The following LCK variants were observed in gnomAD, a reference collection of about 807,000 sequenced individuals.
LCK encodes LCK proto-oncogene, Src family tyrosine kinase, also known as tyrosine-protein kinase Lck.
A neutral mutation model predicts 64.6 loss-of-function variants in LCK; 14 were observed. The ratio of observed to expected loss-of-function variants is 0.22; its 90% CI spans 0.14 to 0.34. LCK has a LOEUF of 0.34. Among genes scored for constraint, LCK ranks in the 10% least tolerant of loss-of-function variants. LCK has a pLI of 1.00. For synonymous variants in LCK, 277 were observed against 263.6 expected (o/e 1.05, Z -0.49); for missense variants, 434 against 668.1 (o/e 0.65, Z 3.86).
In LCK at chr1:32,276,059, C is replaced by T. The variant is rs781741431; in HGVS notation, c.627C>T (p.Tyr209=). Residue 209 remains tyrosine (Y), a synonymous_variant, in exon 7 of 13, where the codon TAC becomes TAT. Coordinates refer to ENST00000336890, the MANE Select transcript of LCK (RefSeq NM_005356.5). The surrounding 1 kb of genome is among the most constrained non-coding windows in gnomAD (Gnocchi z 4.6). Reference sequence around the variant, plus strand: ...GCCTGCATGAACTGGTCCGCCATTACACCAGTGAGCCCGACGGGACCCCTC... The same window carrying T: ...GCCTGCATGAACTGGTCCGCCATTATACCAGTGAGCCCGACGGGACCCCTC... ...FPGLHELVRH[Y]TNASDGLCTR... is the part of the protein sequence containing the mutation. 1 of 1,614,024 alleles carries T rather than the reference C, an allele frequency of 6.2e-7. No individual in the cohort carries two copies. The highest frequency in any genetic ancestry group is 8.5e-7 in the Non-Finnish European group (1 of 1,179,984).
At chr1:32,281,459 C>CAAAAA (rs1218686624) in intron 12 of LCK, among the ~76,000 whole-genome samples, 1 of 61,004 alleles carries the variant, frequency 1.6e-5, no homozygotes, top group African/African-American at 5.4e-5. Flanking sequence ...GAATTTGTCT[C>CAAAAA]AAAAAAAAAA....
rs757025299 is a variant in LCK at position 32,275,531 on chromosome 1, G to T, written c.378-38G>T. The stretch of plus-strand genomic sequence containing the variant: ...TGAGGGCCACGGAGGAAGATCCGAC[G>T]ACAGCCGACGGCCTTCGTTCGCTTC... On this transcript the variant is annotated intron_variant, in intron 5 of 12. Coordinates refer to ENST00000336890, the MANE Select transcript of LCK (RefSeq NM_005356.5). The surrounding 1 kb of genome is among the most constrained non-coding windows in gnomAD (Gnocchi z 6.9). The T allele has an allele frequency of 5.2e-6, 8 of 1,553,382 alleles. No homozygotes were observed. Among genetic ancestry groups the T allele is most frequent in the Non-Finnish European group, 6.1e-6 (7 of 1,143,836 alleles).
At chr1:32,264,441 G>C (rs1639860453) in intron 1 of LCK, among the ~76,000 whole-genome samples, 1 of 151,936 alleles carries the variant, frequency 6.6e-6, no homozygotes, top group African/African-American at 2.4e-5. Flanking sequence ...AGAAGCGCTT[G>C]AGCCCAGGAG....
At chr1:32,274,677 G>A (rs1640200095) in intron 2 of LCK, 60 bp from the exon 3 acceptor site, 2 of 1,377,966 alleles carry the variant, frequency 1.5e-6, no homozygotes, top group African/African-American at 1.4e-5. Flanking sequence ...GGGGGGAAGG[G>A]GGCCAGGGTC....
intron 1 of LCK, among the ~76,000 whole-genome samples, chr1:32,270,390 C>T (rs1018588427): frequency 2.0e-5 from 3 of 151,688 alleles, no homozygotes; most frequent in African/African-American, 7.3e-5. Context: ...AAGCATGAGC[C>T]ACCGTGCCCA....
intron 1 of LCK, among the ~76,000 whole-genome samples, chr1:32,272,495 A>G: frequency 6.6e-6 from 1 of 151,198 alleles, no homozygotes; most frequent in East Asian, 1.9e-4. Context: ...TGAGGTGGGA[A>G]GATTGCTTGA....
chr1:32,265,325 C>T (rs188718258), intron 1 of LCK, among the ~76,000 whole-genome samples: 3 of 152,332 alleles, frequency 2.0e-5, no homozygotes, highest in South Asian at 2.1e-4. Context: ...AAGGCCTCCC[C>T]GGCACTAGCC....
At chr1:32,266,224 G>A (rs1639903174) in intron 1 of LCK, among the ~76,000 whole-genome samples, 1 of 151,990 alleles carries the variant, frequency 6.6e-6, no homozygotes, top group South Asian at 2.1e-4. Context: ...CGGGCACGGT[G>A]GCTCACGCCT....
At chr1:32,284,936 A>G (rs527571657) in intron 12 of LCK, among the ~76,000 whole-genome samples, 1 of 152,300 alleles carries the variant, frequency 6.6e-6, no homozygotes, top group African/African-American at 2.4e-5. Flanking sequence ...ATGTGCTATG[A>G]TTGTGCCTGT....
chr1:32,258,755 GATCACGTCA>G (rs1371032176), intron 1 of LCK, among the ~76,000 whole-genome samples: 1 of 140,874 alleles, frequency 7.1e-6, no homozygotes, highest in Non-Finnish European at 1.5e-5. Flanking sequence ...AGTGAGCTGA[GATCACGTCA>G]CTGCACTCCA....
At position 32,279,918 on chromosome 1, in the gene LCK, T is replaced by C. The variant is rs758403568; in HGVS notation, c.1119T>C (p.Ser373=). The change falls in exon 11 of 13, where the codon TCT becomes TCC. Residue 373 remains serine, a synonymous_variant. Coordinates refer to ENST00000336890, the MANE Select transcript of LCK (RefSeq NM_005356.5). Reference sequence around the variant, plus strand: ...TTCGGGCTGCCAACATTCTGGTGTCTGACACCCTGAGCTGCAAGATTGCAG... The same window carrying C: ...TTCGGGCTGCCAACATTCTGGTGTCCGACACCCTGAGCTGCAAGATTGCAG... The part of the protein sequence containing the change: ...RDLRAANILV[S]DTLSCKIADF... 3 of 1,614,220 alleles carry C rather than the reference T, an allele frequency of 1.9e-6. No individual in the cohort carries two copies. Among genetic ancestry groups the C allele is most frequent in the South Asian group, 2.2e-5 (2 of 91,084 alleles).
chr1:32,275,800 G>A lies in LCK; in HGVS notation c.482-114G>A. The A allele has an allele frequency of 7.0e-7, 1 of 1,437,282 alleles. No individual in the cohort carries two copies. Among genetic ancestry groups the A allele is most frequent in the Non-Finnish European group, 9.4e-7 (1 of 1,059,612 alleles). The allele number at this position is 1,437,282 out of a possible 1,614,324, so 89.0% of individuals were successfully genotyped here. A position where few individuals can be genotyped will look rare whatever the true frequency, so the allele number is the denominator to read the frequency against. On this transcript the variant is annotated intron_variant, in intron 6 of 12. Transcript: ENST00000336890. This position sits in a 1 kb window ranked among gnomAD's most constrained non-coding sequence, Gnocchi z 6.9. ...GGGACGCGGGATGAGCCCGAGGTGG[G>A]GGCGCGGGATGACCCGGAGTTGGGG... is the stretch of plus-strand genomic sequence containing the variant.
chr1:32,268,385 T>G (rs1354536436), intron 1 of LCK, among the ~76,000 whole-genome samples: 3 of 151,662 alleles, frequency 2.0e-5, no homozygotes, highest in Non-Finnish European at 4.4e-5. Flanking sequence ...CAATCGTAGC[T>G]CACTGTGGCC....
chr1:32,270,865 G>A (rs368372963), intron 1 of LCK, among the ~76,000 whole-genome samples: 7 of 150,976 alleles, frequency 4.6e-5, no homozygotes, highest in Non-Finnish European at 8.8e-5. Flanking sequence ...CACCAAGCCC[G>A]ATTAATTTTT....
chr1:32,268,827 A>G (rs1277675588), intron 1 of LCK, among the ~76,000 whole-genome samples: 1 of 150,808 alleles, frequency 6.6e-6, no homozygotes, highest in Non-Finnish European at 1.5e-5. Context: ...AAAAAAAAAA[A>G]AAGAAAAGAA....
rs1640602004 is a variant in LCK, at chr1:32,285,895, T to C, written c.*179T>C. ...ACGTGTCCTGTAGTTGCGTGGACTC[T>C]GCACATGTCTTGTACATGTGTAGCC... is the stretch of plus-strand genomic sequence containing the variant. On this transcript the variant is annotated 3_prime_UTR_variant, in exon 13 of 13. Coordinates refer to ENST00000336890, the MANE Select transcript of LCK (RefSeq NM_005356.5). 1.6e-6 allele frequency: 1 copy of C among 645,152 alleles called. No homozygotes were observed. The highest frequency in any genetic ancestry group is 2.7e-6 in the Non-Finnish European group (1 of 369,138). 40.0% of individuals were successfully genotyped at this position (645,152 alleles called of 1,614,324 possible).
intron 1 of LCK, among the ~76,000 whole-genome samples, chr1:32,260,014 A>AT (rs796984375): frequency 7.4e-5 from 11 of 148,800 alleles, no homozygotes; most frequent in South Asian, 4.3e-4. Context: ...TAAATGATTC[A>AT]TTTTTTTTTA....
chr1:32,281,040 G>A (rs1484216371), intron 12 of LCK, among the ~76,000 whole-genome samples: 2 of 152,006 alleles, frequency 1.3e-5, no homozygotes, highest in Admixed American at 6.6e-5. Context: ...CCAGGAGTTC[G>A]AGACCAGCCT....
chr1:32,276,025 C>T lies in LCK; in HGVS notation c.593C>T (p.Thr198Ile). The T allele has an allele frequency of 6.2e-7, 1 of 1,614,162 alleles. No homozygotes were observed. The highest frequency in any genetic ancestry group is 8.5e-7 in the Non-Finnish European group (1 of 1,180,010). ...NGGFYISPRI[T>I]FPGLHELVRH... is the part of the protein sequence containing the mutation. Reference sequence around the variant, plus strand: ...GGCTTCTACATCTCCCCTCGAATCACTTTTCCCGGCCTGCATGAACTGGTC... The same window carrying T: ...GGCTTCTACATCTCCCCTCGAATCATTTTTCCCGGCCTGCATGAACTGGTC... The change falls in exon 7 of 13, where the codon ACT becomes ATT. Residue 198 changes from threonine to isoleucine, a missense_variant. Thr to Ile is a moderately conservative substitution (Grantham distance 89, BLOSUM62 -1). Transcript: ENST00000336890. This position sits in a 1 kb window ranked among gnomAD's most constrained non-coding sequence, Gnocchi z 4.6.
Sources: allele counts gnomAD v4.1 joint callset (sites outside exome capture counted in the v4.1 genomes callset), GRCh38; gene constraint gnomAD v4.1.1; non-coding constraint Gnocchi (gnomAD v3.1); transcripts MANE v1.5; gene names NCBI Gene and HGNC (gene_info 2026-07-23, HGNC 2026-07-21).